The following CAMK1D variants were observed in gnomAD, a reference collection of about 807,000 sequenced individuals.
CAMK1D encodes the protein calcium/calmodulin-dependent protein kinase type 1D.
A neutral mutation model predicts 47.7 loss-of-function variants in CAMK1D; 9 were observed. The ratio of observed to expected loss-of-function variants is 0.19; its 90% confidence interval spans 0.11 to 0.33. CAMK1D has a LOEUF of 0.33. CAMK1D is among the 10% of genes least tolerant of loss of function. The pLI is 1.00. For synonymous variants in CAMK1D, 184 were observed against 184.9 expected (o/e 0.99, Z 0.04); for missense variants, 291 against 488.7 (o/e 0.60, Z 3.81).
At chr10:12,765,801 G>C (rs888489577) in intron 4 of CAMK1D, among the ~76,000 whole-genome samples, 8 of 152,046 alleles carry the variant, frequency 5.3e-5, no homozygotes, top group Admixed American at 6.6e-5. Context: ...ATGCAGGGGG[G>C]TTTTATAGCT....
intron 1 of CAMK1D, among the ~76,000 whole-genome samples, chr10:12,508,076 C>T (rs1564379756): frequency 6.6e-6 from 1 of 152,120 alleles, no homozygotes; most frequent in Non-Finnish European, 1.5e-5. Flanking sequence ...ACGAGCATCC[C>T]GAGACACTTG....
intron 2 of CAMK1D, among the ~76,000 whole-genome samples, chr10:12,588,871 TGTGTGTGTGTGTGCGTGC>T (rs1475037425): frequency 2.1e-5 from 3 of 141,098 alleles, no homozygotes; most frequent in African/African-American, 6.1e-5. Flanking sequence ...TATATATGTG[TGTGTGTGTGTGTGCGTGC>T]GTGTGTGTGT....
intron 2 of CAMK1D, among the ~76,000 whole-genome samples, chr10:12,559,026 G>A (rs1279494167): frequency 2.0e-5 from 3 of 151,952 alleles, no homozygotes; most frequent in Non-Finnish European, 2.9e-5. Flanking sequence ...CTGATTAGCC[G>A]GGCACGGTGA....
chr10:12,532,129 C>G (rs1174308299), intron 1 of CAMK1D, among the ~76,000 whole-genome samples: 1 of 152,112 alleles, frequency 6.6e-6, no homozygotes, highest in East Asian at 1.9e-4. Context: ...ACAGAAAAAT[C>G]TTATTTTTTT....
intron 2 of CAMK1D, among the ~76,000 whole-genome samples, chr10:12,649,246 A>G (rs548623264): frequency 6.6e-6 from 1 of 152,342 alleles, no homozygotes; most frequent in East Asian, 1.9e-4. Flanking sequence ...CAGAAAGTTC[A>G]TTACCTTGAC....
chr10:12,678,943 A>G (rs553554011), intron 3 of CAMK1D, among the ~76,000 whole-genome samples: 163 of 152,198 alleles, frequency 1.1e-3, no homozygotes, highest in African/African-American at 3.7e-3. Context: ...TTGTATTTTT[A>G]GTAGAGACAG....
intron 3 of CAMK1D, among the ~76,000 whole-genome samples, chr10:12,683,232 G>A (rs1428903526): frequency 5.9e-5 from 9 of 151,882 alleles, no homozygotes; most frequent in Admixed American, 5.9e-4. Flanking sequence ...GACTACAGGT[G>A]CGCACCACCA....
At chr10:12,568,175 T>TCCCTCCCTCTCC (rs1837191044) in intron 2 of CAMK1D, among the ~76,000 whole-genome samples, 1 of 62,230 alleles carries the variant, frequency 1.6e-5, no homozygotes, top group African/African-American at 6.4e-5. Context: ...CCTCCCTCCC[T>TCCCTCCCTCTCC]CCCTCCCTCT....
intron 1 of CAMK1D, among the ~76,000 whole-genome samples, chr10:12,525,470 G>A (rs1835589992): frequency 6.6e-6 from 1 of 152,024 alleles, no homozygotes. Flanking sequence ...TCCAGTTTGA[G>A]TCATTTTGTT....
intron 1 of CAMK1D, among the ~76,000 whole-genome samples, chr10:12,529,861 A>C (rs750980520): frequency 1.3e-5 from 2 of 152,184 alleles, no homozygotes; most frequent in Non-Finnish European, 2.9e-5. Flanking sequence ...AATATGATTA[A>C]ATCTTGGCAA....
Position 12,793,681 on chromosome 10 carries a change from C to T in CAMK1D, c.641+2448C>T, listed in dbSNP as rs368444351. ...TAGAGAAAGTACAGAAGAGCAAGCTCTCTGGTATCTTTTCTAATCCAGTCA... is the reference window on the plus strand; with the variant it reads ...TAGAGAAAGTACAGAAGAGCAAGCTTTCTGGTATCTTTTCTAATCCAGTCA... On this transcript the variant is annotated intron_variant, in intron 6 of 10. Coordinates refer to ENST00000619168, the MANE Select transcript of CAMK1D (RefSeq NM_153498.4). Among the ~76,000 whole-genome samples, 116 of 122,954 alleles carry T rather than the reference C, an allele frequency of 9.4e-4. 1 individual carries two copies. Among genetic ancestry groups the T allele is most frequent in the African/African-American group, 3.6e-3 (110 of 30,676 alleles). 80.7% of individuals were successfully genotyped at this position (122,954 alleles called of 152,430 possible).
chr10:12,628,090 C>A (rs7082845), intron 2 of CAMK1D, among the ~76,000 whole-genome samples: 130,662 of 147,838 alleles, frequency 0.88, 58,883 homozygotes, highest in Non-Finnish European at 0.98. Context: ...CAAAAAAAAA[C>A]AAAAAACAAA....
At chr10:12,547,976 G>A (rs924771961) in intron 1 of CAMK1D, among the ~76,000 whole-genome samples, 2 of 152,166 alleles carry the variant, frequency 1.3e-5, no homozygotes, top group Admixed American at 6.5e-5. Context: ...CTCATCTGAC[G>A]ACAGGGTCTT....
rs1837286448 is a variant in CAMK1D at position 12,349,595 on chromosome 10, G to C, written c.-224G>C. 1 of 155,862 alleles carries C rather than the reference G, an allele frequency of 6.4e-6. No individual in the cohort carries two copies. The highest frequency in any genetic ancestry group is 1.4e-5 in the Non-Finnish European group (1 of 70,886). The allele number at this position is 155,862 out of a possible 1,614,324, so 9.7% of individuals were successfully genotyped here. On this transcript the variant is annotated 5_prime_UTR_variant, in exon 1 of 11. Coordinates refer to ENST00000619168, the MANE Select transcript of CAMK1D (RefSeq NM_153498.4). The stretch of plus-strand genomic sequence containing the variant: ...GGCGGCGGCAAAGGAGCCGGCGCGC[G>C]GCGGCGGCAGGAAGTCTGTGCCCGA...
rs557731114 is a variant in CAMK1D at position 12,693,190 on chromosome 10, C to T, written c.299+26380C>T. On this transcript the variant is annotated intron_variant, in intron 3 of 10. Transcript: ENST00000619168. Reference sequence around the variant, plus strand: ...ACTAGCCTGGCCAACATGGTGAAACCGCGTCTCTATTAAAAATACAAAAGA... The same window carrying T: ...ACTAGCCTGGCCAACATGGTGAAACTGCGTCTCTATTAAAAATACAAAAGA... 8.5e-5 allele frequency among the ~76,000 whole-genome samples: 13 copies of T among 152,068 alleles called. No individual in the cohort carries two copies. In the South Asian group the frequency reaches 1.0e-3, roughly 12 times the overall value.
chr10:12,702,287 G>A (rs1383451365), intron 3 of CAMK1D, among the ~76,000 whole-genome samples: 1 of 152,208 alleles, frequency 6.6e-6, no homozygotes, highest in Non-Finnish European at 1.5e-5. Context: ...GAGGAGGTGA[G>A]GTTGTTGGAA....
chr10:12,587,403 T>C (rs1048610361), intron 2 of CAMK1D, among the ~76,000 whole-genome samples: 1 of 152,102 alleles, frequency 6.6e-6, no homozygotes. Flanking sequence ...TCTCCATTTG[T>C]TCTGGGTTAG....
At chr10:12,663,968 ACTTTT>A (rs1840352576) in intron 2 of CAMK1D, among the ~76,000 whole-genome samples, 1 of 152,162 alleles carries the variant, frequency 6.6e-6, no homozygotes. Context: ...TAATTAAACC[ACTTTT>A]CTTAAGAGAC....
chr10:12,452,137 T>G (rs1260056114), intron 1 of CAMK1D, among the ~76,000 whole-genome samples: 1 of 152,176 alleles, frequency 6.6e-6, no homozygotes, highest in Non-Finnish European at 1.5e-5. Context: ...TCACAGTGTT[T>G]TCAGGTGTGT....
Sources: allele counts gnomAD v4.1 joint callset (sites outside exome capture counted in the v4.1 genomes callset), GRCh38; gene constraint gnomAD v4.1.1; transcripts MANE v1.5; gene names NCBI Gene and HGNC (gene_info 2026-07-23, HGNC 2026-07-21).